The following ESR1 variants were observed in gnomAD, a reference collection of about 807,000 sequenced individuals.
ESR1 encodes the protein estrogen receptor 1, also known as estrogen receptor.
Under a neutral mutation model 52.7 loss-of-function variants are expected in ESR1, and 12 were observed. The observed-to-expected ratio is 0.23, with a 90% CI of 0.15 to 0.37. The LOEUF (loss-of-function observed/expected upper bound fraction) is 0.37, where lower values mean the gene tolerates loss of function less well. Ranked by LOEUF, ESR1 falls within the 10% of genes least tolerant of loss-of-function variation. The probability of loss-of-function intolerance (pLI) is 1.00; values close to 1 mark genes in which losing one functional copy is unlikely to be tolerated. For synonymous variants in ESR1, 305 were observed against 316.8 expected (o/e 0.96, Z 0.39); for missense variants, 584 against 779.7 (o/e 0.75, Z 2.99).
rs189058684 is a variant in ESR1 at position 151,915,298 on chromosome 6, A to G, written c.761-28875A>G. 4.9e-3 allele frequency among the ~76,000 whole-genome samples: 752 copies of G among 152,274 alleles called. 7 individuals carry two copies. Among genetic ancestry groups the G allele is most frequent in the African/African-American group, 0.017 (726 of 41,544 alleles). ...CCCTTTCATTACCAAGAATGCATGGAATTCTGCTTATTAATTTCTCCATCT... is the reference window on the plus strand; with the variant it reads ...CCCTTTCATTACCAAGAATGCATGGGATTCTGCTTATTAATTTCTCCATCT... On this transcript the variant is annotated intron_variant, in intron 3 of 7. Coordinates refer to ENST00000206249, the MANE Select transcript of ESR1 (RefSeq NM_000125.4).
chr6:151,767,344 C>A (rs1010123559), intron 2 of ESR1, among the ~76,000 whole-genome samples: 1 of 152,168 alleles, frequency 6.6e-6, no homozygotes, highest in Non-Finnish European at 1.5e-5. Flanking sequence ...AATTCTATTG[C>A]AGATATTCCC....
intron 6 of ESR1, among the ~76,000 whole-genome samples, chr6:152,082,945 T>TG (rs1374275414): frequency 1.3e-5 from 2 of 152,134 alleles, no homozygotes; most frequent in Non-Finnish European, 2.9e-5. Context: ...TACAAACCAC[T>TG]GCTCAACGAA....
At chr6:151,723,901 G>C (rs150578045) in intron 2 of ESR1, among the ~76,000 whole-genome samples, 2 of 152,026 alleles carry the variant, frequency 1.3e-5, no homozygotes, top group East Asian at 3.9e-4. Context: ...AACAGTGCTG[G>C]TACCCCCTAA....
intron 1 of ESR1, among the ~76,000 whole-genome samples, chr6:151,671,835 T>C (rs903899255): frequency 2.0e-5 from 3 of 151,886 alleles, no homozygotes; most frequent in African/African-American, 7.3e-5. Flanking sequence ...CTACTAAAAA[T>C]ACAAAAATTG....
chr6:151,971,733 T>C (rs935485579), intron 4 of ESR1, among the ~76,000 whole-genome samples: 3 of 151,844 alleles, frequency 2.0e-5, no homozygotes, highest in Non-Finnish European at 2.9e-5. Flanking sequence ...CAATCTAAGG[T>C]CACACCTCAG....
At chr6:151,806,557 T>TAGAC (rs1554259008), upstream of ESR1, among the ~76,000 whole-genome samples, 4 of 133,788 alleles carry the variant, frequency 3.0e-5, no homozygotes, top group African/African-American at 1.1e-4. Context: ...TATATATATA[T>TAGAC]ACACATATAT....
chr6:151,912,885 CAG>C (rs1227021964), intron 3 of ESR1, among the ~76,000 whole-genome samples: 1 of 151,928 alleles, frequency 6.6e-6, no homozygotes, highest in Non-Finnish European at 1.5e-5. Context: ...CACATGGACA[CAG>C]GGAGTGGAGC....
intron 1 of ESR1, among the ~76,000 whole-genome samples, chr6:151,694,304 T>TCCCAA (rs1384493947): frequency 2.0e-5 from 3 of 152,206 alleles, no homozygotes; most frequent in Non-Finnish European, 4.4e-5. Flanking sequence ...CAATATGAAT[T>TCCCAA]TGGCCTTGGG....
intron 4 of ESR1, among the ~76,000 whole-genome samples, chr6:151,961,858 G>A (rs1172216440): frequency 3.3e-5 from 5 of 152,200 alleles, no homozygotes; most frequent in South Asian, 2.1e-4. Flanking sequence ...CCGGTGTTGG[G>A]TTGTGAGGTG....
intron 5 of ESR1, among the ~76,000 whole-genome samples, chr6:152,048,415 T>A (rs2046409098): frequency 6.8e-6 from 1 of 147,956 alleles, no homozygotes; most frequent in South Asian, 2.2e-4. Flanking sequence ...TCTCAGATAC[T>A]CCCCTGCCCC....
intron 2 of ESR1, among the ~76,000 whole-genome samples, chr6:151,798,358 G>A (rs763806872): frequency 1.2e-4 from 18 of 152,128 alleles, no homozygotes; most frequent in Non-Finnish European, 2.1e-4. Flanking sequence ...AAATGGAGAA[G>A]GGCAGGGTGA....
intron 1 of ESR1, among the ~76,000 whole-genome samples, chr6:151,814,647 T>C (rs1270960057): frequency 1.3e-5 from 2 of 152,228 alleles, no homozygotes; most frequent in Non-Finnish European, 2.9e-5. Context: ...TCTCTGAGGA[T>C]AGAAACTTCA....
At chr6:151,668,298 A>G (rs1777902083) in intron 1 of ESR1, among the ~76,000 whole-genome samples, 2 of 150,494 alleles carry the variant, frequency 1.3e-5, no homozygotes, top group African/African-American at 2.4e-5. Flanking sequence ...TTTTTTTTTG[A>G]GATAGAGTCT....
intron 5 of ESR1, among the ~76,000 whole-genome samples, chr6:152,032,426 A>G (rs1288945386): frequency 1.3e-5 from 2 of 152,240 alleles, no homozygotes; most frequent in Non-Finnish European, 1.5e-5. Context: ...TTAAGCTGAT[A>G]AGCAGCTTCA....
chr6:151,772,417 G>A (rs1785598325), intron 2 of ESR1, among the ~76,000 whole-genome samples: 1 of 152,222 alleles, frequency 6.6e-6, no homozygotes, highest in Non-Finnish European at 1.5e-5. Context: ...AAAGGGTGGT[G>A]GGTGGCACTT....
rs775912684 is a variant in ESR1, at chr6:152,061,937, A to G, written c.1369+813A>G. Among the ~76,000 whole-genome samples the G allele has an allele frequency of 2.8e-4, 43 of 152,144 alleles. No homozygotes were observed. Among genetic ancestry groups the G allele is most frequent in the Non-Finnish European group, 5.0e-4 (34 of 68,032 alleles). On this transcript the variant is annotated intron_variant, in intron 6 of 7. Coordinates refer to ENST00000206249, the MANE Select transcript of ESR1 (RefSeq NM_000125.4). This position sits in a 1 kb window ranked among gnomAD's most constrained non-coding sequence, Gnocchi z 4.3. ...GGACCTAAAGCTCACATTGGGTATC[A>G]GCGGTACAGCAGCTCCCCTTAAGCT...
chr6:151,859,136 A>G (rs945994601), intron 2 of ESR1, among the ~76,000 whole-genome samples: 2 of 151,966 alleles, frequency 1.3e-5, no homozygotes, highest in African/African-American at 2.4e-5. Flanking sequence ...TCTTTCCCTT[A>G]TTTTTTTCAT....
rs938885346 is a variant in ESR1, at chr6:152,100,163, T to C, written c.*1197T>C. The C allele has an allele frequency of 2.8e-5, 11 of 398,322 alleles. No individual in the cohort carries two copies. The highest frequency in any genetic ancestry group is 1.4e-4 in the East Asian group (4 of 28,074). 24.7% of individuals were successfully genotyped at this position (398,322 alleles called of 1,614,324 possible). ...ATTGCCCTTTGGGGGTGCCCTGGGATCCCTGGGGTAGTCCAGCTCTTCTTC... is the reference window on the plus strand; with the variant it reads ...ATTGCCCTTTGGGGGTGCCCTGGGACCCCTGGGGTAGTCCAGCTCTTCTTC... On this transcript the variant is annotated 3_prime_UTR_variant, in exon 8 of 8. Transcript: ENST00000206249.
At position 151,739,854 on chromosome 6, in the gene ESR1, T is replaced by A. The variant is rs556680681; in HGVS notation, c.-71+37849T>A. ...GCATTTCTTAGCATTCTGGCCGCAG[T>A]CTTCTACTACATGGTCCTTATTTGT... On this transcript the variant is annotated intron_variant, in intron 2 of 2. Coordinates refer to the ESR1 transcript ENST00000404742. Among the ~76,000 whole-genome samples the A allele has an allele frequency of 2.6e-5, 4 of 152,314 alleles. No homozygotes were observed. The East Asian group carries it at 5.8e-4, about 22-fold the overall frequency.
Sources: gnomAD v4.1 joint callset for allele counts (sites outside exome capture counted in the v4.1 genomes callset) on GRCh38, gnomAD v4.1.1 for gene constraint, Gnocchi (gnomAD v3.1) non-coding constraint, MANE v1.5 for transcripts, NCBI Gene and HGNC (gene_info 2026-07-23, HGNC 2026-07-21) for gene names.